The following IRF3 variants were observed in gnomAD, a reference collection of about 807,000 sequenced individuals.
The protein encoded by IRF3 is interferon regulatory factor 3.
Under a neutral mutation model 43.2 loss-of-function variants are expected in IRF3, and 29 were observed. The ratio of observed to expected loss-of-function variants is 0.67; its 90% CI spans 0.50 to 0.91. The LOEUF is 0.91. Among genes scored for constraint, IRF3 ranks in the 40% least tolerant of loss-of-function variants. The probability of loss-of-function intolerance (pLI) is 0.00; values close to 1 mark genes in which losing one functional copy is unlikely to be tolerated. For synonymous variants in IRF3, 228 were observed against 233.9 expected (o/e 0.97, Z 0.23); for missense variants, 505 against 559.1 (o/e 0.90, Z 0.98).
rs1419315525 is a variant in IRF3 at position 49,662,073 on chromosome 19, A to C, written c.857T>G (p.Leu286Arg). Residue 286 changes from leucine to arginine, a missense_variant, in exon 6 of 8, where the codon CTG (leucine) becomes CGG (arginine). Physicochemically the swap from Leu to Arg is moderately radical, Grantham distance 102. Coordinates refer to ENST00000377139, the MANE Select transcript of IRF3 (RefSeq NM_001571.6). The stretch of plus-strand genomic sequence containing the variant: ...TGCCCAGTATGTGTGGCAGTGCCCC[A>C]GCCGCTGGGCCCAGAGCCACTGCCC... ...RAGQWLWAQR[L>R]GHCHTYWAVS... 2.5e-6 allele frequency: 4 copies of C among 1,613,706 alleles called. No individual in the cohort carries two copies.
chr19:49,663,250 C>T lies in IRF3; in HGVS notation c.346G>A (p.Asp116Asn). Residue 116 changes from aspartate to asparagine, a missense_variant, in exon 4 of 8, where the codon GAC (aspartate) becomes AAC (asparagine). Asp to Asn is a conservative substitution (Grantham distance 23). Coordinates refer to ENST00000377139, the MANE Select transcript of IRF3 (RefSeq NM_001571.6). ...IYEFVNSGVG[D>N]FSQPDTSPDT... is the part of the protein sequence containing the mutation. ...GGAGAGGTGTCTGGCTGGGAAAAGT[C>T]CCCAACTCCTGTTGAGAAAAGTGGT... 2 of 1,614,110 alleles carry T rather than the reference C, an allele frequency of 1.2e-6. No homozygotes were observed. Among genetic ancestry groups the T allele is most frequent in the Non-Finnish European group, 1.7e-6 (2 of 1,180,024 alleles).
At position 49,662,015 on chromosome 19, in the gene IRF3, A is replaced by G. The variant is rs181910006; in HGVS notation, c.915T>C (p.His305=). The G allele has an allele frequency of 4.5e-5, 73 of 1,614,118 alleles. No homozygotes were observed. The East Asian group carries it at 1.6e-3, about 34-fold the overall frequency. ...VSEELLPNSG[H]GPDGEVPKDK... ...CCTTGGGGACCTCGCCATCAGGCCC[A>G]TGCCCGCTGTTGGGGAGCAGCTCCT... The change falls in exon 6 of 8, where the codon CAT becomes CAC. Residue 305 remains histidine, a synonymous_variant. Transcript: ENST00000377139.
Position 49,664,699 on chromosome 19 carries a change from T to A in IRF3, c.140A>T (p.Gln47Leu), listed in dbSNP as rs1194237221. Reference protein sequence around the residue: ...PWKHGLRQDAQQEDFGIFQAW... With the variant: ...PWKHGLRQDALQEDFGIFQAW... ...CTGGAAGATTCCGAAATCCTCCTGCTGTGCATCCTGCCGTAGGCCGTGCTT... is the reference window on the plus strand; with the variant it reads ...CTGGAAGATTCCGAAATCCTCCTGCAGTGCATCCTGCCGTAGGCCGTGCTT... Residue 47 changes from glutamine (Q) to leucine (L), a missense_variant, in exon 2 of 8, where the codon CAG (glutamine) becomes CTG (leucine). Gln to Leu is a moderately radical substitution (Grantham distance 113). Coordinates refer to ENST00000377139, the MANE Select transcript of IRF3 (RefSeq NM_001571.6). The A allele has an allele frequency of 6.2e-7, 1 of 1,613,858 alleles. No homozygotes were observed. The highest frequency in any genetic ancestry group is 1.3e-5 in the African/African-American group (1 of 74,928).
chr19:49,664,171 A>G (rs1487499620), intron 2 of IRF3, among the ~76,000 whole-genome samples: 1 of 151,758 alleles, frequency 6.6e-6, no homozygotes, highest in African/African-American at 2.4e-5. Flanking sequence ...CGGCCCAAAA[A>G]CCTTTTCTTT....
At position 49,662,481 on chromosome 19, in the gene IRF3, A is replaced by G. The variant is rs2081381001; in HGVS notation, c.545T>C (p.Phe182Ser). ...RSPSLDNPTPFPNLGPSENPL... is the reference protein window; with the variant it reads ...RSPSLDNPTPSPNLGPSENPL... The stretch of plus-strand genomic sequence containing the variant: ...GTTCTCAGAGGGCCCCAGGTTTGGG[A>G]AGGGAGTGGGATTGTCCAAGCTGGG... Residue 182 changes from phenylalanine (F) to serine (S), a missense_variant, in exon 5 of 8, where the codon TTC becomes TCC. Coordinates refer to ENST00000377139, the MANE Select transcript of IRF3 (RefSeq NM_001571.6). 6.3e-6 allele frequency: 10 copies of G among 1,587,338 alleles called. No individual in the cohort carries two copies. The highest frequency in any genetic ancestry group is 8.6e-6 in the Non-Finnish European group (10 of 1,167,656).
Position 49,660,029 on chromosome 19 carries a change from C to A in IRF3, c.1099-196G>T, listed in dbSNP as rs866374798. Among the ~76,000 whole-genome samples, 479 of 48,294 alleles carry A rather than the reference C, an allele frequency of 9.9e-3. 28 individuals carry two copies. The highest frequency in any genetic ancestry group is 0.053 in the African/African-American group (274 of 5,140). The allele number at this position is 48,294 out of a possible 152,430, so 31.7% of individuals were successfully genotyped here. A position where few individuals can be genotyped will look rare whatever the true frequency, so the allele number is the denominator to read the frequency against. On this transcript the variant is annotated intron_variant, in intron 7 of 7. Transcript: ENST00000377139. ...CACACACACACACACACACACACAC[C>A]CCCTGCTGTAACTGAACCATAGGCC...
In IRF3 at chr19:49,661,959, G is replaced by A. The variant is rs1466759704; in HGVS notation, c.971C>T (p.Pro324Leu). 1 of 1,608,478 alleles carries A rather than the reference G, an allele frequency of 6.2e-7. No homozygotes were observed. Among genetic ancestry groups the A allele is most frequent in the Non-Finnish European group, 8.5e-7 (1 of 1,176,522 alleles). ...CCTGTCTCACTCACCTACAATGAAG[G>A]GCCCCAGGTCAAACACGCCTCCTTC... ...DKEGGVFDLG[P>L]FIVDLITFTE... Residue 324 changes from proline to leucine, a missense_variant, in exon 6 of 8, where the codon CCC becomes CTC. Transcript: ENST00000377139.
intron 4 of IRF3, 65 bp from the exon 5 acceptor site, chr19:49,662,682 C>A: frequency 7.6e-7 from 1 of 1,318,510 alleles, no homozygotes; most frequent in Non-Finnish European, 1.0e-6. Flanking sequence ...TTCATATGGA[C>A]CAGGTCTGTT....
chr19:49,664,301 G>A, intron 2 of IRF3: 1 of 523,392 alleles, frequency 1.9e-6, no homozygotes. Flanking sequence ...TACTAATTCG[G>A]TAGTTAGGAA....
rs759060438 is a variant in IRF3 at position 49,665,822 on chromosome 19, C to T, written c.-200G>A. The T allele has an allele frequency of 3.1e-6, 5 of 1,587,770 alleles. No individual in the cohort carries two copies. The Admixed American group carries it at 6.9e-5, about 22-fold the overall frequency. ...TTCTTTGGGTAACAGACCCAAAAGC[C>T]GATGGGACGGCCCGCTGGGCTGTTC... On this transcript the variant is annotated 5_prime_UTR_variant, in exon 1 of 8. Coordinates refer to ENST00000377139, the MANE Select transcript of IRF3 (RefSeq NM_001571.6).
intron 6 of IRF3, 25 bp downstream of exon 6, chr19:49,661,923 A>T: frequency 6.3e-7 from 1 of 1,584,020 alleles, no homozygotes; most frequent in Non-Finnish European, 8.6e-7. Flanking sequence ...TGTACTGGCC[A>T]GGTCGAAGCC....
rs555722266 is a variant in IRF3, at chr19:49,665,662, T to C, written c.-40A>G. 2.1e-6 allele frequency: 2 copies of C among 959,642 alleles called. No individual in the cohort carries two copies. The highest frequency in any genetic ancestry group is 3.0e-6 in the Non-Finnish European group (2 of 658,716). 59.4% of individuals were successfully genotyped at this position (959,642 alleles called of 1,614,324 possible). ...TGGAAGGTCGGGGCGTGCGGGCAGC[T>C]GGAACCCACCCCTGTCTTGGAGCTC... On this transcript the variant is annotated 5_prime_UTR_variant, in exon 1 of 8. Coordinates refer to ENST00000377139, the MANE Select transcript of IRF3 (RefSeq NM_001571.6).
At chr19:49,661,838 C>A (rs757340199) in intron 6 of IRF3, 110 bp downstream of exon 6, 148 of 1,362,350 alleles carry the variant, frequency 1.1e-4, no homozygotes, top group Non-Finnish European at 1.3e-4. Flanking sequence ...CTCAGCCTCC[C>A]AAAGTGCTGG....
chr19:49,663,669 C>A (rs1568462764), intron 2 of IRF3, 155 bp from the exon 3 acceptor site: 1 of 660,082 alleles, frequency 1.5e-6, no homozygotes, highest in Admixed American at 3.0e-5. Flanking sequence ...TCCCACCTAC[C>A]TCCATCCCCC....
In IRF3 at chr19:49,664,855, A is replaced by C. The variant is rs773678071; in HGVS notation, c.-8-9T>G. On this transcript the variant is annotated splice_polypyrimidine_tract_variant and intron_variant, in intron 1 of 7. Coordinates refer to ENST00000377139, the MANE Select transcript of IRF3 (RefSeq NM_001571.6). ...GGTTCCCATGGTCCGGCCTGCGCGTATAGGGCATTTCCTGGGCGCGACCGG... is the reference window on the plus strand; with the variant it reads ...GGTTCCCATGGTCCGGCCTGCGCGTCTAGGGCATTTCCTGGGCGCGACCGG... The C allele has an allele frequency of 6.2e-7, 1 of 1,605,480 alleles. No individual in the cohort carries two copies. Among genetic ancestry groups the C allele is most frequent in the African/African-American group, 1.3e-5 (1 of 74,856 alleles).
rs202162642 is a variant in IRF3 at position 49,663,350 on chromosome 19, C to T, written c.330G>A (p.Val110=). 6.2e-7 allele frequency: 1 copy of T among 1,614,216 alleles called. No homozygotes were observed. Among genetic ancestry groups the T allele is most frequent in the Admixed American group, 1.7e-5 (1 of 60,034 alleles). The change falls in exon 3 of 8, where the codon GTG becomes GTA. Residue 110 remains valine, a synonymous_variant. Coordinates refer to ENST00000377139, the MANE Select transcript of IRF3 (RefSeq NM_001571.6). ...AACCCCAAGCTGGCAGACCTGAGTT[C>T]ACAAACTCGTAGATTTTATGTGGGT... is the stretch of plus-strand genomic sequence containing the variant. ...PHDPHKIYEF[V]NSGVGDFSQP...
intron 4 of IRF3, 50 bp from the exon 5 acceptor site, chr19:49,662,667 G>A (rs915112493): frequency 7.0e-7 from 1 of 1,426,082 alleles, no homozygotes; most frequent in South Asian, 1.3e-5. Context: ...TCCTTTTCTG[G>A]AGACTTCATA....
chr19:49,664,326 C>T (rs1349649280), intron 2 of IRF3: 4 of 714,066 alleles, frequency 5.6e-6, no homozygotes, highest in Non-Finnish European at 8.7e-6. Context: ...AGATTTGGGG[C>T]TCCAGGCCTC....
Position 49,659,604 on chromosome 19 carries a change from G to C in IRF3, c.*44C>G. The C allele has an allele frequency of 1.3e-6, 2 of 1,579,670 alleles. No individual in the cohort carries two copies. The highest frequency in any genetic ancestry group is 1.7e-6 in the Non-Finnish European group (2 of 1,162,644). ...AGGAACCAGTTTATTGGTTGAGGTG[G>C]TGGGGAACAGGGGGGTTGGAGGCAC... is the stretch of plus-strand genomic sequence containing the variant. On this transcript the variant is annotated 3_prime_UTR_variant, in exon 8 of 8. Transcript: ENST00000377139.
Sources: allele counts gnomAD v4.1 joint callset (sites outside exome capture counted in the v4.1 genomes callset), GRCh38; gene constraint gnomAD v4.1.1; transcripts MANE v1.5; gene names NCBI Gene and HGNC (gene_info 2026-07-23, HGNC 2026-07-21).